CDH4: variants seen among roughly 807,000 people sequenced by gnomAD.
CDH4 encodes cadherin-4.
In CDH4, 33 loss-of-function variants were observed where a neutral mutation model predicts 86.0. The observed-to-expected ratio is 0.38, with a 90% CI of 0.29 to 0.51. The LOEUF is 0.51. Among genes scored for constraint, CDH4 ranks in the 20% least tolerant of loss-of-function variants. The pLI is 0.86. For synonymous variants in CDH4, 555 were observed against 549.4 expected (o/e 1.01, Z -0.14); for missense variants, 1,114 against 1,307.4 (o/e 0.85, Z 2.28).
rs544794308 is a variant in CDH4, at chr20:61,342,036, C to T, written c.169+87099C>T. On this transcript the variant is annotated intron_variant, in intron 2 of 15. Transcript: ENST00000614565. Reference sequence around the variant, plus strand: ...CCATAGTGGGTGAGGCTGTTGGCAGCAGTGGCACTGAGGCAGAGCTATGGA... The same window carrying T: ...CCATAGTGGGTGAGGCTGTTGGCAGTAGTGGCACTGAGGCAGAGCTATGGA... 5.9e-5 allele frequency among the ~76,000 whole-genome samples: 9 copies of T among 152,230 alleles called. 1 individual carries two copies. The South Asian group carries it at 1.0e-3, about 18-fold the overall frequency.
At chr20:61,655,942 T>C (rs1302458360) in intron 2 of CDH4, among the ~76,000 whole-genome samples, 1 of 152,174 alleles carries the variant, frequency 6.6e-6, no homozygotes, top group Non-Finnish European at 1.5e-5. Flanking sequence ...GAACATCACC[T>C]TGTTGTAAGA....
intron 2 of CDH4, among the ~76,000 whole-genome samples, chr20:61,489,684 A>G (rs6121643): frequency 0.015 from 2,236 of 152,358 alleles, 58 homozygotes; most frequent in African/African-American, 0.052. Context: ...CTTTGCACGC[A>G]TTAAGCAATT....
At chr20:61,803,827 A>G (rs905360262) in intron 4 of CDH4, among the ~76,000 whole-genome samples, 1 of 152,246 alleles carries the variant, frequency 6.6e-6, no homozygotes, top group Admixed American at 6.5e-5. Context: ...TAGAAAACTC[A>G]AAACTGAAAA....
At chr20:61,743,163 C>T (rs1157950461) in intron 2 of CDH4, among the ~76,000 whole-genome samples, 1 of 152,234 alleles carries the variant, frequency 6.6e-6, no homozygotes, top group African/African-American at 2.4e-5. Context: ...TTCACAGTCT[C>T]TGCTGGCAGG....
chr20:61,399,832 G>A (rs994754977), intron 2 of CDH4, among the ~76,000 whole-genome samples: 57 of 152,250 alleles, frequency 3.7e-4, no homozygotes, highest in Admixed American at 1.2e-3. Context: ...GCAGGGGCTC[G>A]GGGACAATGG....
chr20:61,816,696 G>T (rs1305866486), intron 4 of CDH4, among the ~76,000 whole-genome samples: 15 of 151,746 alleles, frequency 9.9e-5, no homozygotes, highest in Admixed American at 9.2e-4. Flanking sequence ...AATGGGGGGG[G>T]GCGGTTTGTG....
chr20:61,477,393 A>C (rs181051578), intron 2 of CDH4, among the ~76,000 whole-genome samples: 4 of 152,344 alleles, frequency 2.6e-5, no homozygotes, highest in Non-Finnish European at 5.9e-5. Context: ...AGCTGGGCCA[A>C]AGGCAGGTAT....
At chr20:61,887,815 C>T (rs111656200) in intron 7 of CDH4, among the ~76,000 whole-genome samples, 300 of 152,286 alleles carry the variant, frequency 2.0e-3, no homozygotes, top group African/African-American at 6.8e-3. Flanking sequence ...GTCCTTCTGG[C>T]GGTGCCATGC....
intron 2 of CDH4, among the ~76,000 whole-genome samples, chr20:61,351,312 A>G (rs989174678): frequency 8.5e-5 from 13 of 152,186 alleles, no homozygotes; most frequent in Non-Finnish European, 1.6e-4. Context: ...ATTGTATTCC[A>G]TAATATAAGT....
chr20:61,732,791 G>A (rs1054541370), intron 2 of CDH4, among the ~76,000 whole-genome samples: 3 of 152,224 alleles, frequency 2.0e-5, no homozygotes, highest in Non-Finnish European at 4.4e-5. Context: ...TGGATAAGTG[G>A]GAGAAAGGAA....
At chr20:61,315,714 T>G (rs552853063) in intron 2 of CDH4, among the ~76,000 whole-genome samples, 6 of 152,238 alleles carry the variant, frequency 3.9e-5, no homozygotes, top group Non-Finnish European at 7.3e-5. Context: ...CATTATCATT[T>G]TTTGTTTAAG....
chr20:61,647,795 G>T (rs1395908330), intron 2 of CDH4, among the ~76,000 whole-genome samples: 3 of 152,160 alleles, frequency 2.0e-5, no homozygotes, highest in Non-Finnish European at 4.4e-5. Context: ...CTCTGAATGG[G>T]TGTTTGCTTA....
At position 61,331,948 on chromosome 20, in the gene CDH4, C is replaced by G. The variant is rs2084583556; in HGVS notation, c.169+77011C>G. 2.0e-5 allele frequency among the ~76,000 whole-genome samples: 3 copies of G among 152,284 alleles called. No homozygotes were observed. The South Asian group carries it at 6.2e-4, about 32-fold the overall frequency. The stretch of plus-strand genomic sequence containing the variant: ...AGTAAACTCTTCCAAGGGAGGTCGC[C>G]TGTGCGCCCCACAGGGAAGGGAGCT... On this transcript the variant is annotated intron_variant, in intron 2 of 15. Coordinates refer to ENST00000614565, the MANE Select transcript of CDH4 (RefSeq NM_001794.5).
At chr20:61,699,574 T>G (rs2087752017) in intron 2 of CDH4, among the ~76,000 whole-genome samples, 1 of 152,200 alleles carries the variant, frequency 6.6e-6, no homozygotes, top group Non-Finnish European at 1.5e-5. Context: ...AGATTGCTTC[T>G]CACACAGCTT....
At position 61,582,252 on chromosome 20, in the gene CDH4, C is replaced by A. The variant is rs8125490; in HGVS notation, c.170-161311C>A. ...CCCCACCTCCAATCACAGAGGCACACGCGGCTTTGCCCTTGATTTTTGAGA... is the reference window on the plus strand; with the variant it reads ...CCCCACCTCCAATCACAGAGGCACAAGCGGCTTTGCCCTTGATTTTTGAGA... On this transcript the variant is annotated intron_variant, in intron 2 of 15. Transcript: ENST00000614565. This position sits in a 1 kb window ranked among gnomAD's most constrained non-coding sequence, Gnocchi z 4.2. Among the ~76,000 whole-genome samples the A allele has an allele frequency of 6.6e-6, 1 of 152,234 alleles. No homozygotes were observed. Among genetic ancestry groups the A allele is most frequent in the Non-Finnish European group, 1.5e-5 (1 of 68,038 alleles).
At chr20:61,686,892 A>G (rs895083858) in intron 2 of CDH4, among the ~76,000 whole-genome samples, 6 of 152,136 alleles carry the variant, frequency 3.9e-5, no homozygotes, top group African/African-American at 1.2e-4. Flanking sequence ...TTAACTTGCT[A>G]TCAGATCCTC....
chr20:61,914,242 G>T (rs1006406847), intron 9 of CDH4, among the ~76,000 whole-genome samples: 2 of 152,184 alleles, frequency 1.3e-5, no homozygotes, highest in African/African-American at 4.8e-5. Context: ...CCCTTCTGTG[G>T]CCACACAGGT....
At chr20:61,936,410 TCTCCCACACCCCCCCCCCCA>T (rs2055189354) in intron 15 of CDH4, among the ~76,000 whole-genome samples, 3 of 2,544 alleles carry the variant, frequency 1.2e-3, no homozygotes, top group Non-Finnish European at 2.1e-3. Flanking sequence ...CCCTCCCCCC[TCTCCCACACCCCCCCCCCCA>T]TCTGCCCTTG....
At chr20:61,380,398 G>C (rs2084893247) in intron 2 of CDH4, among the ~76,000 whole-genome samples, 1 of 152,134 alleles carries the variant, frequency 6.6e-6, no homozygotes, top group South Asian at 2.1e-4. Flanking sequence ...TGGCCTGATA[G>C]AGTTGTGATC....
Sources: gnomAD v4.1 joint callset for allele counts (sites outside exome capture counted in the v4.1 genomes callset) on GRCh38, gnomAD v4.1.1 for gene constraint, Gnocchi (gnomAD v3.1) non-coding constraint, MANE v1.5 for transcripts, NCBI Gene and HGNC (gene_info 2026-07-23, HGNC 2026-07-21) for gene names.